The following TTC28 variants were observed in gnomAD, a reference collection of about 807,000 sequenced individuals.
TTC28 encodes the protein tetratricopeptide repeat domain 28, also known as tetratricopeptide repeat protein 28.
TTC28 carries 61 observed loss-of-function variants against 198.0 expected under a neutral mutation model. The observed-to-expected ratio is 0.31, with a 90% CI of 0.25 to 0.38. TTC28 has a LOEUF of 0.38. Ranked by LOEUF, TTC28 falls within the 10% of genes least tolerant of loss-of-function variation. The probability of loss-of-function intolerance (pLI) is 1.00; values close to 1 mark genes in which losing one functional copy is unlikely to be tolerated. For missense variants in TTC28, 2,678 were observed against 3,164.0 expected (o/e 0.85, Z 3.69); for synonymous variants, 1,171 against 1,297.8 (o/e 0.90, Z 2.10).
At chr22:28,347,843 C>A (rs1053979068) in intron 2 of TTC28, among the ~76,000 whole-genome samples, 1 of 152,254 alleles carries the variant, frequency 6.6e-6, no homozygotes, top group Non-Finnish European at 1.5e-5. Flanking sequence ...CGTGCCACTG[C>A]ACTTCAGGGT....
chr22:27,999,351 C>G, intron 15 of TTC28, 91 bp from the exon 16 acceptor site: 1 of 1,452,228 alleles, frequency 6.9e-7, no homozygotes, highest in Non-Finnish European at 9.1e-7. Flanking sequence ...ACGGCCAGCT[C>G]TCTGCTGGTT....
chr22:28,093,589 C>T (rs1384648240), intron 12 of TTC28, among the ~76,000 whole-genome samples: 1 of 152,158 alleles, frequency 6.6e-6, no homozygotes, highest in African/African-American at 2.4e-5. Flanking sequence ...TTGCAAAAAG[C>T]AGTTCCCTTA....
At position 28,629,425 on chromosome 22, in the gene TTC28, T is replaced by C; in HGVS notation, c.381+127A>G. 3 of 944,384 alleles carry C rather than the reference T, an allele frequency of 3.2e-6. No homozygotes were observed. Among genetic ancestry groups the C allele is most frequent in the Non-Finnish European group, 4.6e-6 (3 of 659,168 alleles). The allele number at this position is 944,384 out of a possible 1,614,324, so 58.5% of individuals were successfully genotyped here. The stretch of plus-strand genomic sequence containing the variant: ...GTACCAGCTCAAGGAAGTCATTTTA[T>C]ATTTTGCTGAAGTACAGATTATTAA... On this transcript the variant is annotated intron_variant, in intron 2 of 22. Transcript: ENST00000397906.
chr22:27,985,428 G>C, intron 21 of TTC28, 72 bp from the exon 22 acceptor site: 7 of 1,205,374 alleles, frequency 5.8e-6, no homozygotes, highest in Non-Finnish European at 8.3e-6. Flanking sequence ...AGCGCTATAG[G>C]GCTCCTTGTG....
At chr22:28,030,856 C>T (rs568947254) in intron 12 of TTC28, among the ~76,000 whole-genome samples, 16 of 152,340 alleles carry the variant, frequency 1.1e-4, no homozygotes, top group South Asian at 4.1e-4. Context: ...GGGGGACATG[C>T]AGCCTAAAAC....
intron 2 of TTC28, among the ~76,000 whole-genome samples, chr22:28,588,621 T>A (rs895913576): frequency 6.6e-6 from 1 of 152,232 alleles, no homozygotes; most frequent in African/African-American, 2.4e-5. Flanking sequence ...TGGGCTAACA[T>A]GAAAGTAGCA....
intron 6 of TTC28, among the ~76,000 whole-genome samples, chr22:28,143,443 ACT>A (rs1005338695): frequency 1.3e-5 from 2 of 152,080 alleles, no homozygotes; most frequent in African/African-American, 4.8e-5. Context: ...AACTCCAAGA[ACT>A]CTTTCTTTTC....
At chr22:28,474,459 T>C (rs893158758) in intron 2 of TTC28, among the ~76,000 whole-genome samples, 1 of 152,206 alleles carries the variant, frequency 6.6e-6, no homozygotes, top group Non-Finnish European at 1.5e-5. Flanking sequence ...CTCCTCCCTC[T>C]TATTGCAAAG....
At chr22:28,499,844 C>A (rs1180324244) in intron 2 of TTC28, among the ~76,000 whole-genome samples, 1 of 152,008 alleles carries the variant, frequency 6.6e-6, no homozygotes, top group Non-Finnish European at 1.5e-5. Flanking sequence ...TTATGGGGTA[C>A]ACAGTGACAT....
chr22:28,367,353 G>A (rs1465598132), intron 2 of TTC28, among the ~76,000 whole-genome samples: 1 of 151,930 alleles, frequency 6.6e-6, no homozygotes, highest in Non-Finnish European at 1.5e-5. Flanking sequence ...GGTCAATGAA[G>A]AAATGAAGAA....
intron 8 of TTC28, among the ~76,000 whole-genome samples, chr22:28,102,220 G>T (rs569899487): frequency 6.6e-6 from 1 of 152,324 alleles, no homozygotes; most frequent in East Asian, 1.9e-4. Flanking sequence ...AGCAGAATAT[G>T]AACACAGCCT....
intron 5 of TTC28, among the ~76,000 whole-genome samples, chr22:28,277,747 A>T (rs1569235612): frequency 6.6e-6 from 1 of 152,156 alleles, no homozygotes; most frequent in Non-Finnish European, 1.5e-5. Flanking sequence ...AAAATCATCC[A>T]TCCTCTTTAA....
At position 28,052,373 on chromosome 22, in the gene TTC28, C is replaced by T. The variant is rs193194791; in HGVS notation, c.3933-22007G>A. ...GTAGATCCTACTATTATTCCTATTTCGTAGATTTTTGTTAAAAGCCCCACA... is the reference window on the plus strand; with the variant it reads ...GTAGATCCTACTATTATTCCTATTTTGTAGATTTTTGTTAAAAGCCCCACA... On this transcript the variant is annotated intron_variant, in intron 12 of 22. Coordinates refer to ENST00000397906, the MANE Select transcript of TTC28 (RefSeq NM_001145418.2). Among the ~76,000 whole-genome samples the T allele has an allele frequency of 2.8e-4, 43 of 152,252 alleles. No homozygotes were observed. In the East Asian group the frequency reaches 7.5e-3, roughly 27 times the overall value.
intron 16 of TTC28, 119 bp from the exon 17 acceptor site, chr22:27,996,378 G>T (rs1937552793): frequency 1.4e-6 from 2 of 1,427,300 alleles, no homozygotes; most frequent in Non-Finnish European, 9.3e-7. Context: ...GGGCCTGGCA[G>T]GGGAGCAGCT....
At chr22:28,559,068 A>C (rs1208317795) in intron 2 of TTC28, among the ~76,000 whole-genome samples, 1 of 152,070 alleles carries the variant, frequency 6.6e-6, no homozygotes, top group African/African-American at 2.4e-5. Context: ...CGGTTTATTT[A>C]TTTCCAAGTG....
At chr22:28,046,665 C>T (rs1490855424) in intron 12 of TTC28, among the ~76,000 whole-genome samples, 4 of 152,156 alleles carry the variant, frequency 2.6e-5, no homozygotes, top group Non-Finnish European at 4.4e-5. Context: ...TATACATATG[C>T]TATATACATG....
chr22:28,649,911 T>C (rs2051538807), intron 1 of TTC28, among the ~76,000 whole-genome samples: 1 of 152,138 alleles, frequency 6.6e-6, no homozygotes, highest in South Asian at 2.1e-4. Context: ...ATAATAAAAA[T>C]CCCTGAGGCA....
chr22:28,387,694 T>A (rs1475627983), intron 2 of TTC28, among the ~76,000 whole-genome samples: 1 of 152,260 alleles, frequency 6.6e-6, no homozygotes, highest in African/African-American at 2.4e-5. Flanking sequence ...TGGGGTTGTT[T>A]GTGTTTTTCT....
chr22:28,090,398 G>T (rs527909321), intron 12 of TTC28, among the ~76,000 whole-genome samples: 55 of 151,830 alleles, frequency 3.6e-4, no homozygotes, highest in Non-Finnish European at 7.1e-4. Flanking sequence ...AAAATTCTTT[G>T]TAAACATAAT....
Sources: allele counts gnomAD v4.1 joint callset (sites outside exome capture counted in the v4.1 genomes callset), GRCh38; gene constraint gnomAD v4.1.1; transcripts MANE v1.5; gene names NCBI Gene and HGNC (gene_info 2026-07-23, HGNC 2026-07-21).